The following DUOX1 variants were observed in gnomAD, a reference collection of about 807,000 sequenced individuals.
The protein encoded by DUOX1 is dual oxidase 1.
DUOX1 carries 134 observed loss-of-function variants against 181.8 expected under a neutral mutation model. That is an observed-to-expected ratio of 0.74 (90% CI 0.64 to 0.85). DUOX1 has a LOEUF of 0.85. DUOX1 is among the 40% of genes least tolerant of loss of function. DUOX1 has a pLI of 0.00. For missense variants in DUOX1, 1,814 were observed against 2,064.4 expected (o/e 0.88, Z 2.35); for synonymous variants, 798 against 832.5 (o/e 0.96, Z 0.71).
chr15:45,149,348 GC>G (rs1385931846), intron 21 of DUOX1, among the ~76,000 whole-genome samples: 1 of 152,158 alleles, frequency 6.6e-6, no homozygotes, highest in Admixed American at 6.5e-5. Context: ...TTCCCAGGCA[GC>G]CAGGGCAGCA....
intron 28 of DUOX1, among the ~76,000 whole-genome samples, chr15:45,159,415 G>A (rs1409485623): frequency 1.3e-5 from 2 of 152,258 alleles, no homozygotes; most frequent in African/African-American, 4.8e-5. Context: ...TGGCGAGAAG[G>A]AGGTGGTCAC....
intron 27 of DUOX1, among the ~76,000 whole-genome samples, chr15:45,155,016 A>C (rs1487975221): frequency 6.6e-6 from 1 of 152,242 alleles, no homozygotes; most frequent in African/African-American, 2.4e-5. Flanking sequence ...GGCAGCCAAC[A>C]AAGAGTGGTG....
intron 31 of DUOX1, among the ~76,000 whole-genome samples, chr15:45,162,672 T>C (rs1897138496): frequency 6.6e-6 from 1 of 152,154 alleles, no homozygotes; most frequent in African/African-American, 2.4e-5. Context: ...CCAGGCAAGG[T>C]TGGAGGGGGT....
intron 16 of DUOX1, 57 bp downstream of exon 16, chr15:45,143,360 T>C: frequency 1.4e-6 from 2 of 1,396,070 alleles, no homozygotes; most frequent in South Asian, 2.4e-5. Context: ...GCGCTACAGC[T>C]ACCCACCTCC....
At chr15:45,146,279 C>T (rs1024964201) in intron 18 of DUOX1, among the ~76,000 whole-genome samples, 1 of 152,212 alleles carries the variant, frequency 6.6e-6, no homozygotes, top group Admixed American at 6.5e-5. Flanking sequence ...ATCCATTGAA[C>T]AGACATTTAC....
At chr15:45,144,293 G>A in intron 17 of DUOX1, 58 bp downstream of exon 17, 2 of 1,579,584 alleles carry the variant, frequency 1.3e-6, no homozygotes, top group Non-Finnish European at 1.7e-6. Context: ...GAGGCAGCCA[G>A]GTGGAGGGGA....
intron 1 of DUOX1, 101 bp downstream of exon 1, chr15:45,130,199 A>G (rs545868724): frequency 1.3e-5 from 2 of 152,218 alleles, no homozygotes; most frequent in African/African-American, 4.8e-5. Context: ...CCTCCACGTT[A>G]TGGAAGAAAG....
Position 45,144,114 on chromosome 15 carries a change from A to G in DUOX1, c.2015A>G (p.Asp672Gly). The change falls in exon 17 of 34, where the codon GAT becomes GGT. Residue 672 changes from aspartate (D) to glycine (G), a missense_variant. Transcript: ENST00000389037. ...CAGCCCGGGCAGATCCGTGTGGTAG[A>G]TGGCAGGCTCACCGTGCTCCGCACC... ...YLQPGQIRVV[D>G]GRLTVLRTIQ... 6.2e-7 allele frequency: 1 copy of G among 1,614,020 alleles called. No homozygotes were observed. The highest frequency in any genetic ancestry group is 1.3e-5 in the African/African-American group (1 of 75,066).
chr15:45,153,925 G>A (rs1896899932), intron 26 of DUOX1, 26 bp from the exon 27 acceptor site: 3 of 1,598,200 alleles, frequency 1.9e-6, no homozygotes, highest in South Asian at 1.1e-5. Flanking sequence ...CTCTCAAGGT[G>A]TCTCTTTGCT....
rs747041526 is a variant in DUOX1, at chr15:45,139,217, A to G, written c.1216+49A>G. 7.5e-5 allele frequency: 121 copies of G among 1,612,944 alleles called. 2 individuals are homozygous for G. In the Middle Eastern group the frequency reaches 2.3e-3, roughly 31 times the overall value. ...GGTTGTGAACTCCTGGCCTCTGGGA[A>G]GAGGCTCAGCTGGACTTCCAGAACC... On this transcript the variant is annotated intron_variant, in intron 11 of 33. Transcript: ENST00000389037.
intron 28 of DUOX1, among the ~76,000 whole-genome samples, chr15:45,156,567 G>A (rs753181771): frequency 6.6e-6 from 1 of 152,092 alleles, no homozygotes. Flanking sequence ...TGAGTAGCTG[G>A]GACTACAGGC....
intron 31 of DUOX1, 66 bp downstream of exon 31, chr15:45,162,443 G>A (rs745578379): frequency 3.2e-5 from 50 of 1,561,226 alleles, no homozygotes; most frequent in Non-Finnish European, 4.3e-5. Context: ...ACCCATCTGT[G>A]CCTTTCTCCT....
At chr15:45,152,264 C>T (rs766516555) in intron 24 of DUOX1, 22 bp from the exon 25 acceptor site, 4 of 1,605,086 alleles carry the variant, frequency 2.5e-6, no homozygotes, top group Non-Finnish European at 3.4e-6. Flanking sequence ...CCCTCGCTTG[C>T]CTGCCTGGGC....
chr15:45,130,454 C>T (rs899385210), intron 1 of DUOX1, among the ~76,000 whole-genome samples: 1 of 152,182 alleles, frequency 6.6e-6, no homozygotes, highest in African/African-American at 2.4e-5. Context: ...ACCAAGATGG[C>T]CTTGACCCAT....
chr15:45,134,345 G>T (rs767850670), intron 4 of DUOX1, 36 bp downstream of exon 4: 1 of 1,559,514 alleles, frequency 6.4e-7, no homozygotes. Flanking sequence ...GAAGCCGGTG[G>T]GGTCGGCTGG....
rs565428228 is a variant in DUOX1 at position 45,139,053 on chromosome 15, C to T, written c.1114-13C>T. 6.2e-7 allele frequency: 1 copy of T among 1,611,596 alleles called. No homozygotes were observed. Reference sequence around the variant, plus strand: ...AACCACACCCCTTTCCTCCCCACCCCCAACCTATAAAGCACCCAAGCCTAC... The same window carrying T: ...AACCACACCCCTTTCCTCCCCACCCTCAACCTATAAAGCACCCAAGCCTAC... On this transcript the variant is annotated splice_polypyrimidine_tract_variant and intron_variant, in intron 10 of 33. Coordinates refer to ENST00000389037, the MANE Select transcript of DUOX1 (RefSeq NM_175940.3).
At position 45,162,055 on chromosome 15, in the gene DUOX1, T is replaced by A. The variant is rs1897118706; in HGVS notation, c.4089+85T>A. ...CGGCAGCACTAGACTCCCCGCTCTG[T>A]GCCTCCCCTCTCTGCATCTAGAGAC... On this transcript the variant is annotated intron_variant, in intron 30 of 33. Coordinates refer to ENST00000389037, the MANE Select transcript of DUOX1 (RefSeq NM_175940.3). 3 of 1,472,992 alleles carry A rather than the reference T, an allele frequency of 2.0e-6. No homozygotes were observed. In the South Asian group the frequency reaches 3.7e-5, roughly 18 times the overall value. 91.2% of individuals were successfully genotyped at this position (1,472,992 alleles called of 1,614,324 possible).
In DUOX1 at chr15:45,160,932, G is replaced by A. The variant is rs141560819; in HGVS notation, c.3798G>A (p.Val1266=). The A allele has an allele frequency of 7.9e-5, 127 of 1,614,034 alleles. 1 individual carries two copies. The Middle Eastern group carries it at 8.2e-4, about 10-fold the overall frequency. The part of the protein sequence containing the change: ...PAIIYGGDKL[V]SLSRKKVEIS... ...TCATCTATGGGGGCGACAAGCTGGT[G>A]AGCCTGAGCCGGAAGAAGGTGGAGA... The change falls in exon 29 of 34, where the codon GTG becomes GTA. Residue 1266 remains valine, a synonymous_variant. Coordinates refer to ENST00000389037, the MANE Select transcript of DUOX1 (RefSeq NM_175940.3).
rs1305099402 is a variant in DUOX1 at position 45,147,996 on chromosome 15, A to AG, written c.2642+1dup. The AG allele has an allele frequency of 4.3e-6, 7 of 1,613,156 alleles. No homozygotes were observed. The highest frequency in any genetic ancestry group is 4.2e-6 in the Non-Finnish European group (5 of 1,179,164). On this transcript the variant is annotated frameshift_variant and splice_region_variant, in exon 20 of 34. Transcript: ENST00000389037. LOFTEE classifies it high-confidence loss of function. ...CAAGGATGAGTTCATCAGGATGCTG[A>AG]GGTTTGTTCTCTGGGACAGCCAGGA...
Sources: gnomAD v4.1 joint callset for allele counts (sites outside exome capture counted in the v4.1 genomes callset) on GRCh38, gnomAD v4.1.1 for gene constraint, MANE v1.5 for transcripts, NCBI Gene and HGNC (gene_info 2026-07-23, HGNC 2026-07-21) for gene names.